Variants in EFCAB12 observed in about 807,000 individuals in gnomAD.
The protein encoded by EFCAB12 is EF-hand calcium binding domain 12, also known as EF-hand calcium-binding domain-containing protein 12.
EFCAB12 carries 43 observed loss-of-function variants against 53.6 expected under a neutral mutation model. The ratio of observed to expected loss-of-function variants is 0.80; its 90% confidence interval spans 0.63 to 1.03. The LOEUF is 1.03. Ranked by LOEUF, EFCAB12 falls within the 50% of genes least tolerant of loss-of-function variation. The pLI is 0.00. For synonymous variants in EFCAB12, 269 were observed against 289.2 expected, an observed-to-expected ratio of 0.93 and a Z score of 0.71; for missense variants, 646 against 730.6, an observed-to-expected ratio of 0.88 and a Z score of 1.34.
At chr3:129,402,717 C>T in intron 7 of EFCAB12, 138 bp from the exon 8 acceptor site, 2 of 810,110 alleles carry the variant, frequency 2.5e-6, no homozygotes, top group Non-Finnish European at 3.9e-6. Flanking sequence ...ATGTCTTCCA[C>T]CTGGGGTGGA....
rs1483511794 is a variant in EFCAB12 at position 129,403,552 on chromosome 3, C to G, written c.1403+698G>C. On this transcript the variant is annotated intron_variant, in intron 7 of 8. Transcript: ENST00000505956. Reference sequence around the variant, plus strand: ...AGGGGTCTAGAAGCAGGGGCAGGTCCAGGCCCCTCCCACCTCATGGTATCC... The same window carrying G: ...AGGGGTCTAGAAGCAGGGGCAGGTCGAGGCCCCTCCCACCTCATGGTATCC... 2.6e-5 allele frequency: 4 copies of G among 152,468 alleles called. No homozygotes were observed. The East Asian group carries it at 7.7e-4, about 29-fold the overall frequency. The allele number at this position is 152,468 out of a possible 1,614,324, so 9.4% of individuals were successfully genotyped here.
intron 6 of EFCAB12, among the ~76,000 whole-genome samples, chr3:129,407,628 A>G (rs1053674197): frequency 2.6e-5 from 4 of 152,090 alleles, no homozygotes; most frequent in African/African-American, 9.7e-5. Context: ...TTATACATTC[A>G]CCAGGCCGGG....
rs779176334 is a variant in EFCAB12, at chr3:129,415,256, G to T, written c.827C>A (p.Thr276Asn). 1.2e-6 allele frequency: 2 copies of T among 1,607,524 alleles called. No individual in the cohort carries two copies. Among genetic ancestry groups the T allele is most frequent in the Non-Finnish European group, 1.7e-6 (2 of 1,177,956 alleles). ...SMAQQRSSLA[T>N]AREHYILAKH... is the part of the protein sequence containing the mutation. The stretch of plus-strand genomic sequence containing the variant: ...GGAGGGGTACGCACGCTCCCTTGCA[G>T]TGGCCAGGCTGCTCCTTTGCTGAGC... Residue 276 changes from threonine to asparagine, a missense_variant, in exon 4 of 9, where the codon ACT becomes AAT. Thr to Asn is a moderately conservative substitution (Grantham distance 65). Transcript: ENST00000505956.
chr3:129,416,856 T>C (rs1272503429), intron 3 of EFCAB12, among the ~76,000 whole-genome samples: 2 of 152,144 alleles, frequency 1.3e-5, no homozygotes, highest in Non-Finnish European at 2.9e-5. Context: ...CTCACTGTGT[T>C]ACCCAGGCTG....
At position 129,428,439 on chromosome 3, in the gene EFCAB12, C is replaced by G. The variant is rs2072297049; in HGVS notation, c.49+1G>C. The G allele has an allele frequency of 6.2e-7, 1 of 1,607,790 alleles. No homozygotes were observed. The highest frequency in any genetic ancestry group is 8.5e-7 in the Non-Finnish European group (1 of 1,177,066). On this transcript the variant is annotated splice_donor_variant, in intron 1 of 8. Coordinates refer to ENST00000505956, the MANE Select transcript of EFCAB12 (RefSeq NM_207307.3). LOFTEE classifies it high-confidence loss of function. ...TGCAGACGCTTCTTCCCGGGGCTTA[C>G]CGAGCAGCGACAAGAACAGACTGTG...
chr3:129,402,419 G>A (rs533506632), intron 8 of EFCAB12, 104 bp downstream of exon 8: 10 of 1,294,638 alleles, frequency 7.7e-6, no homozygotes, highest in African/African-American at 2.9e-5. Flanking sequence ...CCAGGGCACC[G>A]AGCCCCAGCT....
At chr3:129,418,042 G>T (rs767785033) in intron 3 of EFCAB12, among the ~76,000 whole-genome samples, 2 of 152,198 alleles carry the variant, frequency 1.3e-5, no homozygotes, top group Non-Finnish European at 2.9e-5. Context: ...TCAGACTGGT[G>T]CGGGGCAGAT....
At chr3:129,415,183 C>A in intron 4 of EFCAB12, 62 bp downstream of exon 4, 1 of 1,512,120 alleles carries the variant, frequency 6.6e-7, no homozygotes, top group African/African-American at 1.4e-5. Context: ...GCCAAGGCTG[C>A]CTGCACCATG....
chr3:129,402,444 G>T, intron 8 of EFCAB12, 79 bp downstream of exon 8: 1 of 1,473,652 alleles, frequency 6.8e-7, no homozygotes, highest in Non-Finnish European at 9.3e-7. Flanking sequence ...TGCCAGGAGT[G>T]CAGAGTCCCA....
At chr3:129,417,810 A>G (rs2072137029) in intron 3 of EFCAB12, among the ~76,000 whole-genome samples, 1 of 152,204 alleles carries the variant, frequency 6.6e-6, no homozygotes, top group Non-Finnish European at 1.5e-5. Context: ...AGCTCGTTAG[A>G]AATACAGCAT....
intron 6 of EFCAB12, among the ~76,000 whole-genome samples, chr3:129,406,486 C>T (rs1460178336): frequency 2.0e-5 from 3 of 151,950 alleles, no homozygotes; most frequent in South Asian, 2.1e-4. Flanking sequence ...TGTGTGTGCA[C>T]GTGTGTGTGT....
intron 4 of EFCAB12, chr3:129,413,958 T>C (rs1276703148): frequency 6.6e-6 from 1 of 152,222 alleles, no homozygotes; most frequent in Non-Finnish European, 1.5e-5. Context: ...ACTGTGGTCA[T>C]TGAAATGACT....
Position 129,411,354 on chromosome 3 carries a change from T to A in EFCAB12, c.839A>T (p.His280Leu). 6.4e-7 allele frequency: 1 copy of A among 1,564,196 alleles called. No homozygotes were observed. The highest frequency in any genetic ancestry group is 2.3e-5 in the East Asian group (1 of 43,918). ...QRSSLATAREHYILAKHRDSL... is the reference protein window; with the variant it reads ...QRSSLATARELYILAKHRDSL... ...ATCTCTGTGCTTGGCCAAGATATAA[T>A]CTGGAGTCAGAGGGAAGAGATGAAG... The change falls in exon 5 of 9, where the codon CAT (histidine) becomes CTT (leucine). Residue 280 changes from histidine to leucine, a missense_variant and splice_region_variant. Coordinates refer to ENST00000505956, the MANE Select transcript of EFCAB12 (RefSeq NM_207307.3).
chr3:129,402,455 G>C (rs140301009), intron 8 of EFCAB12, 68 bp downstream of exon 8: 2 of 1,531,746 alleles, frequency 1.3e-6, no homozygotes, highest in Non-Finnish European at 1.8e-6. Context: ...CAGAGTCCCA[G>C]TTGTCTCAGG....
intron 6 of EFCAB12, among the ~76,000 whole-genome samples, chr3:129,408,171 C>T (rs564413810): frequency 3.3e-5 from 5 of 152,328 alleles, no homozygotes; most frequent in African/African-American, 7.2e-5. Flanking sequence ...CCTGTCTCCA[C>T]GTGCTTTCAT....
At chr3:129,422,896 A>G (rs1424841014) in intron 1 of EFCAB12, among the ~76,000 whole-genome samples, 1 of 151,924 alleles carries the variant, frequency 6.6e-6, no homozygotes, top group African/African-American at 2.4e-5. Context: ...TGGTGCAATT[A>G]TTTGGTTCAT....
chr3:129,418,312 A>G lies in EFCAB12; in HGVS notation c.623T>C (p.Val208Ala), dbSNP rs369605395. The G allele has an allele frequency of 1.7e-5, 28 of 1,613,328 alleles. No individual in the cohort carries two copies. In the African/African-American group the frequency reaches 3.1e-4, roughly 18 times the overall value. ...KIKILEIFHK[V>A]GQGENQRITR... The stretch of plus-strand genomic sequence containing the variant: ...GATTCTCTGGTTCTCACCCTGGCCC[A>G]CCTTGTGAAATATCTCCAGGATCTT... Residue 208 changes from valine to alanine, a missense_variant, in exon 3 of 9, where the codon GTG becomes GCG. Coordinates refer to ENST00000505956, the MANE Select transcript of EFCAB12 (RefSeq NM_207307.3).
intron 6 of EFCAB12, among the ~76,000 whole-genome samples, chr3:129,408,307 C>T (rs1036935684): frequency 9.2e-5 from 14 of 152,212 alleles, no homozygotes; most frequent in Admixed American, 5.9e-4. Flanking sequence ...TTATGTTCAA[C>T]CTCAGGGCTT....
chr3:129,418,257 C>T lies in EFCAB12; in HGVS notation c.678G>A (p.Lys226=). ...AGAGAAAGCAGGTGGCACTTACTGC[C>T]TTTACAGCCGCGATGAACTCCTCCC... ...ITREEFIAAV[K]AVGVPLKNQE... is the part of the protein sequence containing the mutation. Residue 226 remains lysine, a synonymous_variant, in exon 3 of 9, where the codon AAG becomes AAA. Coordinates refer to ENST00000505956, the MANE Select transcript of EFCAB12 (RefSeq NM_207307.3). The T allele has an allele frequency of 6.2e-7, 1 of 1,607,380 alleles. No homozygotes were observed. The highest frequency in any genetic ancestry group is 1.1e-5 in the South Asian group (1 of 89,958).
Sources: allele counts gnomAD v4.1 joint callset (sites outside exome capture counted in the v4.1 genomes callset), GRCh38; gene constraint gnomAD v4.1.1; transcripts MANE v1.5; gene names NCBI Gene and HGNC (gene_info 2026-07-23, HGNC 2026-07-21).